FOXJ3: variants seen among roughly 807,000 people sequenced by gnomAD.
FOXJ3 encodes forkhead box protein J3.
Under a neutral mutation model 76.1 loss-of-function variants are expected in FOXJ3, and 22 were observed. The ratio of observed to expected loss-of-function variants is 0.29; its 90% CI spans 0.21 to 0.41. The LOEUF is 0.41. Ranked by LOEUF, FOXJ3 falls within the 10% of genes least tolerant of loss-of-function variation. The pLI, the probability that FOXJ3 is intolerant of heterozygous loss-of-function variation, is 1.00. For missense variants in FOXJ3, 613 were observed against 762.1 expected, an observed-to-expected ratio of 0.80 and a Z score of 2.30; for synonymous variants, 269 against 261.2, an observed-to-expected ratio of 1.03 and a Z score of -0.29.
At chr1:42,333,762 A>G (rs527741715) in intron 1 of FOXJ3, among the ~76,000 whole-genome samples, 129 of 152,330 alleles carry the variant, frequency 8.5e-4, no homozygotes, top group African/African-American at 2.8e-3. Context: ...CAGTTTCAAA[A>G]AAAGAGTGTG....
intron 6 of FOXJ3, among the ~76,000 whole-genome samples, chr1:42,205,408 G>A (rs1344998116): frequency 6.6e-6 from 1 of 152,088 alleles, no homozygotes; most frequent in Non-Finnish European, 1.5e-5. Context: ...CCCAGAATTT[G>A]ACAATCTTTT....
chr1:42,280,450 A>C, intron 2 of FOXJ3: 1 of 963,366 alleles, frequency 1.0e-6, no homozygotes, highest in Non-Finnish European at 1.2e-6. Flanking sequence ...AAAAAAAAAA[A>C]AAAAAAAAAA....
chr1:42,187,485 T>C (rs1246845102), intron 11 of FOXJ3, among the ~76,000 whole-genome samples: 1 of 151,928 alleles, frequency 6.6e-6, no homozygotes, highest in African/African-American at 2.4e-5. Flanking sequence ...AAGTGATATA[T>C]CCTGAAAGGG....
intron 1 of FOXJ3, 102 bp downstream of exon 1, chr1:42,334,957 G>C (rs1656392719): frequency 6.6e-6 from 1 of 152,216 alleles, no homozygotes; most frequent in Non-Finnish European, 1.5e-5. Context: ...AAGAGAGAGG[G>C]CGTCTCGCGG....
Position 42,324,320 on chromosome 1 carries a change from G to A in FOXJ3, c.-18+10739C>T, listed in dbSNP as rs149716945. Among the ~76,000 whole-genome samples the A allele has an allele frequency of 3.1e-3, 397 of 127,338 alleles. 2 individuals are homozygous for A. Among genetic ancestry groups the A allele is most frequent in the African/African-American group, 0.013 (385 of 29,522 alleles). 83.5% of individuals were successfully genotyped at this position (127,338 alleles called of 152,430 possible). A position where few individuals can be genotyped will look rare whatever the true frequency, so the allele number is the denominator to read the frequency against. On this transcript the variant is annotated intron_variant, in intron 1 of 12. Coordinates refer to ENST00000361346, the MANE Select transcript of FOXJ3 (RefSeq NM_014947.5). Reference sequence around the variant, plus strand: ...TTATATATATACACTATATATACACGAGATATATAACATATACACTATATA... The same window carrying A: ...TTATATATATACACTATATATACACAAGATATATAACATATACACTATATA...
At chr1:42,289,142 A>G (rs904517710) in intron 2 of FOXJ3, among the ~76,000 whole-genome samples, 1 of 151,888 alleles carries the variant, frequency 6.6e-6, no homozygotes, top group Non-Finnish European at 1.5e-5. Context: ...ACTGATCTTC[A>G]GTCTTTTGGT....
At chr1:42,298,377 T>TTCTTCCTGGTTCAATC (rs1210732598) in intron 2 of FOXJ3, among the ~76,000 whole-genome samples, 3 of 152,232 alleles carry the variant, frequency 2.0e-5, no homozygotes, top group Non-Finnish European at 4.4e-5. Context: ...GGATTCACAT[T>TTCTTCCTGGTTCAATC]TCTTCCTGGT....
intron 8 of FOXJ3, among the ~76,000 whole-genome samples, chr1:42,194,487 T>C (rs374735465): frequency 3.3e-5 from 5 of 152,244 alleles, no homozygotes; most frequent in Admixed American, 6.5e-5. Context: ...CACATTCCGA[T>C]AGTTATCTCT....
intron 2 of FOXJ3, among the ~76,000 whole-genome samples, chr1:42,301,951 T>C (rs1024859503): frequency 1.3e-5 from 2 of 152,150 alleles, no homozygotes; most frequent in Admixed American, 6.5e-5. Context: ...ATTTTTTGAA[T>C]TTGCTTTCAT....
At chr1:42,324,104 G>GTGTATATATAGTGTA (rs776964079) in intron 1 of FOXJ3, among the ~76,000 whole-genome samples, 7 of 88,954 alleles carry the variant, frequency 7.9e-5, no homozygotes, top group Admixed American at 2.6e-4. Context: ...TATATACTGT[G>GTGTATATATAGTGTA]TATATACACT....
At chr1:42,300,446 C>G (rs1557709548) in intron 2 of FOXJ3, among the ~76,000 whole-genome samples, 1 of 152,114 alleles carries the variant, frequency 6.6e-6, no homozygotes, top group Non-Finnish European at 1.5e-5. Context: ...ATTTCTCCTT[C>G]ATGTACAAAG....
chr1:42,213,582 A>T (rs1340608075), intron 5 of FOXJ3, among the ~76,000 whole-genome samples: 1 of 152,232 alleles, frequency 6.6e-6, no homozygotes, highest in African/African-American at 2.4e-5. Flanking sequence ...AGATTCATAA[A>T]ATCACTAGTA....
chr1:42,243,270 C>A (rs1427030885), intron 4 of FOXJ3, among the ~76,000 whole-genome samples: 1 of 151,884 alleles, frequency 6.6e-6, no homozygotes, highest in African/African-American at 2.4e-5. Flanking sequence ...AACGAACATA[C>A]AAATGAAGAA....
intron 2 of FOXJ3, among the ~76,000 whole-genome samples, chr1:42,292,259 T>A (rs1344422094): frequency 2.0e-5 from 3 of 152,254 alleles, no homozygotes; most frequent in Non-Finnish European, 2.9e-5. Context: ...CACAAGCATA[T>A]GGAGCAAATG....
intron 1 of FOXJ3, among the ~76,000 whole-genome samples, chr1:42,326,546 T>A (rs1441957029): frequency 6.6e-6 from 1 of 152,180 alleles, no homozygotes; most frequent in Non-Finnish European, 1.5e-5. Flanking sequence ...TGGAATCATG[T>A]TCCAGGGATA....
At chr1:42,220,596 C>A (rs1264755658) in intron 5 of FOXJ3, among the ~76,000 whole-genome samples, 2 of 152,070 alleles carry the variant, frequency 1.3e-5, no homozygotes, top group Non-Finnish European at 1.5e-5. Context: ...GCCAAAGGTG[C>A]TGAAAAGCTA....
At chr1:42,324,801 A>G (rs185051930) in intron 1 of FOXJ3, among the ~76,000 whole-genome samples, 4 of 152,312 alleles carry the variant, frequency 2.6e-5, no homozygotes, top group East Asian at 3.9e-4. Flanking sequence ...CAATGAATGG[A>G]GCTTGCAGGA....
At chr1:42,205,621 A>G (rs1646846246) in intron 6 of FOXJ3, 141 bp downstream of exon 6, 2 of 604,818 alleles carry the variant, frequency 3.3e-6, no homozygotes, top group Admixed American at 3.1e-5. Context: ...TTCTGAATTT[A>G]GCCTTCAAGC....
intron 5 of FOXJ3, among the ~76,000 whole-genome samples, chr1:42,211,197 T>A (rs1646959774): frequency 3.9e-5 from 6 of 152,106 alleles, no homozygotes; most frequent in Admixed American, 3.9e-4. Context: ...GCCTCTCCCA[T>A]GGAGCTTGGC....
Sources: gnomAD v4.1 joint callset for allele counts (sites outside exome capture counted in the v4.1 genomes callset) on GRCh38, gnomAD v4.1.1 for gene constraint, MANE v1.5 for transcripts, NCBI Gene and HGNC (gene_info 2026-07-23, HGNC 2026-07-21) for gene names.